KIR2DL3: variants seen among roughly 807,000 people sequenced by gnomAD.
KIR2DL3 encodes the protein killer cell immunoglobulin like receptor, two Ig domains and long cytoplasmic tail 3.
In KIR2DL3, 39 loss-of-function variants were observed where a neutral mutation model predicts 33.8. That is an observed-to-expected ratio of 1.15 (90% CI 0.89 to 1.51). The LOEUF (loss-of-function observed/expected upper bound fraction) is 1.51, where lower values mean the gene tolerates loss of function less well. KIR2DL3 is among the 40% of genes most tolerant of loss of function. The probability of loss-of-function intolerance (pLI) is 0.00; values close to 1 mark genes in which losing one functional copy is unlikely to be tolerated. For missense variants in KIR2DL3, 462 were observed against 426.2 expected (o/e 1.08, Z -0.74); for synonymous variants, 174 against 160.2 (o/e 1.09, Z -0.65).
chr19:54,748,567 GA>G (rs1406906473), intron 5 of KIR2DL3, among the ~76,000 whole-genome samples: 16 of 148,350 alleles, frequency 1.1e-4, no homozygotes, highest in Non-Finnish European at 1.6e-4. Context: ...TGCACAAGTG[GA>G]TCTATAAATG....
chr19:54,739,109 G>T (rs374814960), intron 1 of KIR2DL3, among the ~76,000 whole-genome samples: 1 of 150,458 alleles, frequency 6.6e-6, no homozygotes. Context: ...CTAGGAAGGA[G>T]ATATGGGCCT....
intron 2 of KIR2DL3, among the ~76,000 whole-genome samples, chr19:54,740,757 T>C (rs2070904019): frequency 6.6e-6 from 1 of 151,710 alleles, no homozygotes; most frequent in African/African-American, 2.4e-5. Flanking sequence ...TCTGTGACTA[T>C]TTATGTTATA....
Position 54,752,177 on chromosome 19 carries a change from T to A in KIR2DL3, c.821-39T>A, listed in dbSNP as rs536459607. The A allele has an allele frequency of 2.8e-6, 4 of 1,451,826 alleles. 1 individual carries two copies. Among genetic ancestry groups the A allele is most frequent in the Non-Finnish European group, 3.7e-6 (4 of 1,068,188 alleles). 89.9% of individuals were successfully genotyped at this position (1,451,826 alleles called of 1,614,324 possible). A position where few individuals can be genotyped will look rare whatever the true frequency, so the allele number is the denominator to read the frequency against. On this transcript the variant is annotated intron_variant, in intron 6 of 7. Transcript: ENST00000342376. ...TGCTTATGAAATGAGGGCCCAGAAG[T>A]GCCCTCTGAGCTGTTTTGTTGACTT...
chr19:54,747,474 C>G (rs1420626051), intron 5 of KIR2DL3, 89 bp downstream of exon 5: 2 of 1,492,544 alleles, frequency 1.3e-6, no homozygotes. Flanking sequence ...TCTCGCAGCT[C>G]TGACATTGTA....
chr19:54,744,203 G>T (rs2071801375), intron 4 of KIR2DL3, 115 bp downstream of exon 4: 13 of 1,496,932 alleles, frequency 8.7e-6, no homozygotes, highest in Non-Finnish European at 7.3e-6. Context: ...CGAAGCTTGG[G>T]TGTGAGGGAG....
chr19:54,746,664 G>C (rs1420123969), intron 4 of KIR2DL3, among the ~76,000 whole-genome samples: 8 of 149,624 alleles, frequency 5.3e-5, no homozygotes, highest in Non-Finnish European at 1.0e-4. Context: ...TTTCCTGATT[G>C]TGAGTTCTTG....
intron 1 of KIR2DL3, among the ~76,000 whole-genome samples, chr19:54,739,285 T>C (rs1416427836): frequency 1.3e-5 from 2 of 151,252 alleles, no homozygotes; most frequent in Non-Finnish European, 2.9e-5. Context: ...GGTGGAAATA[T>C]CAGCCTGGAG....
At chr19:54,747,714 G>C (rs1191228386) in intron 5 of KIR2DL3, among the ~76,000 whole-genome samples, 4 of 152,172 alleles carry the variant, frequency 2.6e-5, no homozygotes, top group Admixed American at 2.6e-4. Flanking sequence ...GAGAGGGAAG[G>C]GAAGGGAACA....
chr19:54,739,072 A>T (rs1312524463), intron 1 of KIR2DL3, among the ~76,000 whole-genome samples: 15 of 147,080 alleles, frequency 1.0e-4, no homozygotes, highest in African/African-American at 3.8e-4. Flanking sequence ...AGAGGTGGAT[A>T]TCTGGGCCTG....
In KIR2DL3 at chr19:54,739,532, GC is replaced by G. The variant is rs2070593078; in HGVS notation, c.62del (p.Pro21HisfsTer19). On this transcript the variant is annotated frameshift_variant, in exon 2 of 8. Coordinates refer to ENST00000342376, the MANE Select transcript of KIR2DL3 (RefSeq NM_015868.3). LOFTEE classifies it high-confidence loss of function. ...GGTTCTTCTTGCTGCAGGGGGCCTG[GC>G]CACATGAGGGTGAGTCCTTCTCCAA... ...VGFFLLQGAWPHEGVHRKPSL... is the reference protein window; with the variant it reads ...VGFFLLQGAWXHEGVHRKPSL... The G allele has an allele frequency of 6.2e-7, 1 of 1,613,942 alleles. No homozygotes were observed. The highest frequency in any genetic ancestry group is 1.1e-5 in the South Asian group (1 of 91,090).
chr19:54,742,912 A>G (rs1300318890), intron 3 of KIR2DL3, among the ~76,000 whole-genome samples: 9 of 151,826 alleles, frequency 5.9e-5, no homozygotes, highest in Middle Eastern at 3.4e-3. Flanking sequence ...CAAAAAGCAA[A>G]GACATAAACA....
At chr19:54,747,516 T>C (rs1311404070) in intron 5 of KIR2DL3, 131 bp downstream of exon 5, 43 of 1,227,132 alleles carry the variant, frequency 3.5e-5, no homozygotes, top group Middle Eastern at 3.8e-4. Context: ...GAACTCCAGA[T>C]ACTCCAACAG....
chr19:54,751,002 G>C (rs79464799), intron 5 of KIR2DL3, among the ~76,000 whole-genome samples: 1 of 128,684 alleles, frequency 7.8e-6, no homozygotes, highest in African/African-American at 3.0e-5. Flanking sequence ...CTGATCTCAG[G>C]ACGTTGCTGT....
At chr19:54,744,890 A>ATT (rs1555906287) in intron 4 of KIR2DL3, among the ~76,000 whole-genome samples, 1 of 57,872 alleles carries the variant, frequency 1.7e-5, no homozygotes, top group Non-Finnish European at 3.7e-5. Context: ...ATATATATAT[A>ATT]TATATATACA....
At chr19:54,743,083 G>C (rs1360955752) in intron 3 of KIR2DL3, among the ~76,000 whole-genome samples, 1 of 151,858 alleles carries the variant, frequency 6.6e-6, no homozygotes, top group Admixed American at 6.6e-5. Flanking sequence ...ACATGGAGAT[G>C]TGGGGATGAA....
chr19:54,750,236 G>A lies in KIR2DL3; in HGVS notation c.716-1413G>A, dbSNP rs145438213. ...GGAGATTCAGATAGGCTATGGGGAGGTAAACATTGATACTCCTTGGAGTGA... is the reference window on the plus strand; with the variant it reads ...GGAGATTCAGATAGGCTATGGGGAGATAAACATTGATACTCCTTGGAGTGA... On this transcript the variant is annotated intron_variant, in intron 5 of 7. Transcript: ENST00000342376. Among the ~76,000 whole-genome samples, 1,060 of 133,156 alleles carry A rather than the reference G, an allele frequency of 8.0e-3. 131 individuals carry two copies. Among genetic ancestry groups the A allele is most frequent in the African/African-American group, 0.028 (999 of 35,068 alleles). 87.4% of individuals were successfully genotyped at this position (133,156 alleles called of 152,430 possible).
At chr19:54,739,682 C>A (rs13344942) in intron 2 of KIR2DL3, 140 bp downstream of exon 2, 4 of 1,179,004 alleles carry the variant, frequency 3.4e-6, no homozygotes, top group East Asian at 2.5e-5. Flanking sequence ...TTTCTGACCT[C>A]GCCTCCCTGG....
chr19:54,741,891 A>G, intron 2 of KIR2DL3, 89 bp from the exon 3 acceptor site: 1 of 1,346,328 alleles, frequency 7.4e-7, no homozygotes, highest in Non-Finnish European at 1.0e-6. Flanking sequence ...AGAGACAGAC[A>G]CCAGCAAGGG....
intron 4 of KIR2DL3, among the ~76,000 whole-genome samples, chr19:54,745,627 G>C (rs1362369785): frequency 1.3e-5 from 2 of 150,716 alleles, no homozygotes; most frequent in African/African-American, 4.9e-5. Context: ...GTCTCCCAAA[G>C]TGCCGGGATT....
Sources: allele counts gnomAD v4.1 joint callset (sites outside exome capture counted in the v4.1 genomes callset), GRCh38; gene constraint gnomAD v4.1.1; transcripts MANE v1.5; gene names NCBI Gene and HGNC (gene_info 2026-07-23, HGNC 2026-07-21).